Variants in DCTN5 observed in about 807,000 individuals in gnomAD.
DCTN5 encodes dynactin subunit 5.
DCTN5 carries 14 observed loss-of-function variants against 23.5 expected under a neutral mutation model. The ratio of observed to expected loss-of-function variants is 0.60; its 90% confidence interval spans 0.39 to 0.93. The LOEUF is 0.93. Among genes scored for constraint, DCTN5 ranks in the 40% least tolerant of loss-of-function variants. DCTN5 has a pLI of 0.00. For missense variants in DCTN5, 156 were observed against 225.9 expected (o/e 0.69, Z 1.98); for synonymous variants, 67 against 79.6 (o/e 0.84, Z 0.84).
Position 23,677,452 on chromosome 16 carries a change from C to T in DCTN5, c.*10308C>T, listed in dbSNP as rs1369881879. The T allele has an allele frequency of 3.9e-5, 6 of 152,134 alleles. No individual in the cohort carries two copies. Among genetic ancestry groups the T allele is most frequent in the Admixed American group, 3.9e-4 (6 of 15,280 alleles). The allele number at this position is 152,134 out of a possible 1,614,324, so 9.4% of individuals were successfully genotyped here. A position where few individuals can be genotyped will look rare whatever the true frequency, so the allele number is the denominator to read the frequency against. On this transcript the variant is annotated 3_prime_UTR_variant, in exon 6 of 6. Transcript: ENST00000300087. ...ATTAAATTTCAATAAAAAGAATTCA[C>T]ACTATAGGGGTACAAAATAACTTAA... is the stretch of plus-strand genomic sequence containing the variant.
chr16:23,658,495 T>G lies in DCTN5; in HGVS notation c.118-12T>G. 6.2e-7 allele frequency: 1 copy of G among 1,603,420 alleles called. No homozygotes were observed. Among genetic ancestry groups the G allele is most frequent in the Non-Finnish European group, 8.5e-7 (1 of 1,170,488 alleles). On this transcript the variant is annotated splice_polypyrimidine_tract_variant and intron_variant, in intron 2 of 5. Transcript: ENST00000300087. ...ATGTTGCTAATTTTTTAAAATTTGC[T>G]TCGTCTTACAGACCATTGTGATGAA...
chr16:23,646,452 TTG>T (rs1450712567), intron 2 of DCTN5, among the ~76,000 whole-genome samples: 1 of 152,232 alleles, frequency 6.6e-6, no homozygotes. Flanking sequence ...CTTCTGTTGC[TTG>T]TGTTTTTGGT....
chr16:23,642,904 C>G (rs1438558902), intron 1 of DCTN5, 51 bp from the exon 2 acceptor site: 3 of 1,532,954 alleles, frequency 2.0e-6, no homozygotes, highest in Admixed American at 3.3e-5. Context: ...AACCTGTAGT[C>G]CAGAAACCTA....
At chr16:23,643,873 C>G (rs1371320883) in intron 2 of DCTN5, among the ~76,000 whole-genome samples, 1 of 151,976 alleles carries the variant, frequency 6.6e-6, no homozygotes, top group Non-Finnish European at 1.5e-5. Flanking sequence ...GAGAAAATAT[C>G]ACAGGGTATA....
At chr16:23,650,512 G>T (rs562739235) in intron 2 of DCTN5, among the ~76,000 whole-genome samples, 30 of 143,032 alleles carry the variant, frequency 2.1e-4, no homozygotes, top group Non-Finnish European at 3.9e-4. Context: ...TTTTAGTAGA[G>T]ACCGGGTTTC....
At position 23,669,668 on chromosome 16, in the gene DCTN5, CTTTCCCTGGTGTCTTCA is replaced by C. The variant is rs1384764759; in HGVS notation, c.*2528_*2544del. ...CAGCTGTCCAGTTCAGGCCTCTCCT[CTTTCCCTGGTGTCTTCA>C]TTTTCCTCCGTCTCCCTGCTGTCCC... On this transcript the variant is annotated 3_prime_UTR_variant, in exon 6 of 6. Coordinates refer to ENST00000300087, the MANE Select transcript of DCTN5 (RefSeq NM_032486.4). 1 of 152,640 alleles carries C rather than the reference CTTTCCCTGGTGTCTTCA, an allele frequency of 6.6e-6. No homozygotes were observed. The highest frequency in any genetic ancestry group is 1.5e-5 in the Non-Finnish European group (1 of 68,408). The allele number at this position is 152,640 out of a possible 1,614,324, so 9.5% of individuals were successfully genotyped here.
chr16:23,657,629 A>C (rs1967732443), intron 2 of DCTN5: 1 of 267,144 alleles, frequency 3.7e-6, no homozygotes, highest in Admixed American at 5.2e-5. Flanking sequence ...TTTTTAGTAG[A>C]GATGGGGTTT....
At chr16:23,648,344 CTTTTTTTTTTTTT>C (rs960786045) in intron 2 of DCTN5, among the ~76,000 whole-genome samples, 1 of 105,524 alleles carries the variant, frequency 9.5e-6, no homozygotes, top group African/African-American at 3.6e-5. Flanking sequence ...TTTCTTTTTT[CTTTTTTTTTTTTT>C]TTTTTTTTTA....
In DCTN5 at chr16:23,667,359, G is replaced by A. The variant is rs1178198678; in HGVS notation, c.*215G>A. The A allele has an allele frequency of 8.5e-6, 5 of 590,068 alleles. No homozygotes were observed. The East Asian group carries it at 1.4e-4, about 17-fold the overall frequency. 36.6% of individuals were successfully genotyped at this position (590,068 alleles called of 1,614,324 possible). A position where few individuals can be genotyped will look rare whatever the true frequency, so the allele number is the denominator to read the frequency against. On this transcript the variant is annotated 3_prime_UTR_variant, in exon 6 of 6. Coordinates refer to ENST00000300087, the MANE Select transcript of DCTN5 (RefSeq NM_032486.4). ...TCTGGAGGAGCTGTCTTCAAATGCT[G>A]TGCTTACACCTTATCTATGAACAGT...
Position 23,670,080 on chromosome 16 carries a change from T to A in DCTN5, c.*2936T>A, listed in dbSNP as rs1967979724. 1 of 152,112 alleles carries A rather than the reference T, an allele frequency of 6.6e-6. No individual in the cohort carries two copies. Among genetic ancestry groups the A allele is most frequent in the Non-Finnish European group, 1.5e-5 (1 of 68,062 alleles). 9.4% of individuals were successfully genotyped at this position (152,112 alleles called of 1,614,324 possible). On this transcript the variant is annotated 3_prime_UTR_variant, in exon 6 of 6. Coordinates refer to ENST00000300087, the MANE Select transcript of DCTN5 (RefSeq NM_032486.4). ...TGTGGGTCATCTAGCACATCCTTAA[T>A]AGAATGATTGCCTGGATGTGACCAC...
rs530338276 is a variant in DCTN5, at chr16:23,663,337, G to T, written c.348+2056G>T. Among the ~76,000 whole-genome samples the T allele has an allele frequency of 3.9e-5, 6 of 152,290 alleles. No individual in the cohort carries two copies. In the South Asian group the frequency reaches 1.2e-3, roughly 32 times the overall value. On this transcript the variant is annotated intron_variant, in intron 4 of 5. Coordinates refer to ENST00000300087, the MANE Select transcript of DCTN5 (RefSeq NM_032486.4). ...AAGGCTCCAAGATGCTAACTTACTT[G>T]CACAGGATATATAGGTAGCTGTAGT...
chr16:23,671,177 C>T lies in DCTN5; in HGVS notation c.*4033C>T, dbSNP rs1042205393. On this transcript the variant is annotated 3_prime_UTR_variant, in exon 6 of 6. Transcript: ENST00000300087. ...TGACTTTGAGCAAGTTATCTTACTT[C>T]GTGGAACCTCAGGTTTCTCATCCAT... The T allele has an allele frequency of 6.6e-6, 1 of 152,140 alleles. No individual in the cohort carries two copies. The highest frequency in any genetic ancestry group is 2.4e-5 in the African/African-American group (1 of 41,414). The allele number at this position is 152,140 out of a possible 1,614,324, so 9.4% of individuals were successfully genotyped here.
At chr16:23,656,989 CA>C (rs35192089) in intron 2 of DCTN5, among the ~76,000 whole-genome samples, 317 of 113,480 alleles carry the variant, frequency 2.8e-3, no homozygotes, top group East Asian at 2.7e-3. Context: ...GACTCCATCT[CA>C]AAAAAAAAAA....
chr16:23,666,231 G>A (rs980142531), intron 5 of DCTN5, among the ~76,000 whole-genome samples: 8 of 152,174 alleles, frequency 5.3e-5, no homozygotes, highest in African/African-American at 1.7e-4. Context: ...TTTAGTACTG[G>A]GCTTACCCTC....
Position 23,667,242 on chromosome 16 carries a change from C to T in DCTN5, c.*98C>T, listed in dbSNP as rs1967924439. 1 of 1,452,886 alleles carries T rather than the reference C, an allele frequency of 6.9e-7. No individual in the cohort carries two copies. Among genetic ancestry groups the T allele is most frequent in the Non-Finnish European group, 9.5e-7 (1 of 1,053,722 alleles). 90.0% of individuals were successfully genotyped at this position (1,452,886 alleles called of 1,614,324 possible). On this transcript the variant is annotated 3_prime_UTR_variant, in exon 6 of 6. Transcript: ENST00000300087. The stretch of plus-strand genomic sequence containing the variant: ...CTACAAAGAGCTTTTGTGTCTTTGA[C>T]ATCTACCACCCTCCTCCTTTTAAAA...
rs1376203398 is a variant in DCTN5 at position 23,673,763 on chromosome 16, G to GT, written c.*6620dup. The stretch of plus-strand genomic sequence containing the variant: ...TCGGATATTGGAACCAGAACAGGCT[G>GT]TAACTGATTATTTTTGCTGTGATTC... On this transcript the variant is annotated 3_prime_UTR_variant, in exon 6 of 6. Coordinates refer to ENST00000300087, the MANE Select transcript of DCTN5 (RefSeq NM_032486.4). The GT allele has an allele frequency of 6.6e-6, 1 of 152,236 alleles. No individual in the cohort carries two copies. The highest frequency in any genetic ancestry group is 6.5e-5 in the Admixed American group (1 of 15,282). The allele number at this position is 152,236 out of a possible 1,614,324, so 9.4% of individuals were successfully genotyped here. A position where few individuals can be genotyped will look rare whatever the true frequency, so the allele number is the denominator to read the frequency against.
At position 23,654,064 on chromosome 16, in the gene DCTN5, G is replaced by C. The variant is rs1401274716; in HGVS notation, c.118-4443G>C. On this transcript the variant is annotated intron_variant, in intron 2 of 5. Transcript: ENST00000300087. The stretch of plus-strand genomic sequence containing the variant: ...TGCTGGTGAGGTTGTGAAGAAAAAG[G>C]AACACTTACATACTGTTAGTGGGAG... 2.6e-5 allele frequency among the ~76,000 whole-genome samples: 4 copies of C among 152,288 alleles called. No homozygotes were observed. In the East Asian group the frequency reaches 7.7e-4, roughly 29 times the overall value.
intron 4 of DCTN5, among the ~76,000 whole-genome samples, 195 bp from the exon 5 acceptor site, chr16:23,665,431 C>T (rs574748649): frequency 7.2e-5 from 11 of 152,280 alleles, no homozygotes; most frequent in African/African-American, 1.9e-4. Context: ...GCCTTCCCCC[C>T]GAAATGTACA....
In DCTN5 at chr16:23,651,163, A is replaced by T. The variant is rs991604551; in HGVS notation, c.118-7344A>T. ...AGCCAAACAATACAGGTTTGCAAGT[A>T]TAGTCCTTCAACCTCCACTTTGCTA... On this transcript the variant is annotated intron_variant, in intron 2 of 5. Coordinates refer to ENST00000300087, the MANE Select transcript of DCTN5 (RefSeq NM_032486.4). The T allele has an allele frequency of 9.6e-6, 11 of 1,140,486 alleles. No homozygotes were observed. In the East Asian group the frequency reaches 4.9e-4, roughly 50 times the overall value. The allele number at this position is 1,140,486 out of a possible 1,614,324, so 70.6% of individuals were successfully genotyped here.
Sources: allele counts gnomAD v4.1 joint callset (sites outside exome capture counted in the v4.1 genomes callset), GRCh38; gene constraint gnomAD v4.1.1; transcripts MANE v1.5; gene names NCBI Gene and HGNC (gene_info 2026-07-23, HGNC 2026-07-21).